RRP8: variants seen among roughly 807,000 people sequenced by gnomAD.
RRP8 encodes ribosomal RNA-processing protein 8.
A neutral mutation model predicts 45.0 loss-of-function variants in RRP8; 48 were observed. The ratio of observed to expected loss-of-function variants is 1.07; its 90% confidence interval spans 0.85 to 1.36. The LOEUF (loss-of-function observed/expected upper bound fraction) is 1.36, where lower values mean the gene tolerates loss of function less well. Among genes scored for constraint, RRP8 ranks in the 40% most tolerant of loss-of-function variants. The pLI, the probability that RRP8 is intolerant of heterozygous loss-of-function variation, is 0.00. For synonymous variants in RRP8, 274 were observed against 212.4 expected (o/e 1.29, Z -2.52); for missense variants, 658 against 573.7 (o/e 1.15, Z -1.50).
At chr11:6,600,839 A>G in intron 4 of RRP8, 64 bp from the exon 5 acceptor site, 1 of 1,609,608 alleles carries the variant, frequency 6.2e-7, no homozygotes, top group East Asian at 2.2e-5. Flanking sequence ...GCACTGAGAT[A>G]CCAGGATGGG....
intron 1 of RRP8, among the ~76,000 whole-genome samples, chr11:6,602,729 A>C (rs1159256307): frequency 1.3e-5 from 2 of 152,202 alleles, no homozygotes; most frequent in African/African-American, 4.8e-5. Context: ...GGAGGAAACA[A>C]AGCAGGCCGA....
In RRP8 at chr11:6,600,538, A is replaced by G; in HGVS notation, c.1199T>C (p.Val400Ala). 1.2e-6 allele frequency: 2 copies of G among 1,614,088 alleles called. No individual in the cohort carries two copies. Among genetic ancestry groups the G allele is most frequent in the Non-Finnish European group, 1.7e-6 (2 of 1,180,034 alleles). ...GGTCACAGCCCGCAGAAAGGTTCGAACATCCTCAAAGCGGCTGCTGACCTC... is the reference window on the plus strand; with the variant it reads ...GGTCACAGCCCGCAGAAAGGTTCGAGCATCCTCAAAGCGGCTGCTGACCTC... Reference protein sequence around the residue: ...VAEVSSRFEDVRTFLRAVTKL... With the variant: ...VAEVSSRFEDARTFLRAVTKL... The change falls in exon 6 of 7, where the codon GTT becomes GCT. Residue 400 changes from valine (V) to alanine (A), a missense_variant. Val to Ala is a moderately conservative substitution (Grantham distance 64). Coordinates refer to ENST00000254605, the MANE Select transcript of RRP8 (RefSeq NM_015324.4).
At chr11:6,603,376 G>A in intron 1 of RRP8, 28 bp downstream of exon 1, 3 of 1,523,848 alleles carry the variant, frequency 2.0e-6, no homozygotes, top group South Asian at 1.2e-5. Flanking sequence ...GCCTGAAACA[G>A]CTCCCATTGC....
At position 6,602,176 on chromosome 11, in the gene RRP8, G is replaced by C. The variant is rs774278994; in HGVS notation, c.139C>G (p.Leu47Val). 107 of 1,594,922 alleles carry C rather than the reference G, an allele frequency of 6.7e-5. No individual in the cohort carries two copies. Among genetic ancestry groups the C allele is most frequent in the Non-Finnish European group, 8.9e-5 (104 of 1,170,330 alleles). The part of the protein sequence containing the change: ...RRQLLATLRA[L>V]EAASLSQHPP... ...TGCTGGGAAAGAGATGCTGCCTCTAGGGCCCGTAATGTGGCCAAGAGCTGG... is the reference window on the plus strand; with the variant it reads ...TGCTGGGAAAGAGATGCTGCCTCTACGGCCCGTAATGTGGCCAAGAGCTGG... The change falls in exon 2 of 7, where the codon CTA becomes GTA. Residue 47 changes from leucine (L) to valine (V), a missense_variant. By Grantham distance (32) the Leu-to-Val change is conservative. Transcript: ENST00000254605.
chr11:6,601,083 T>C (rs753331143), intron 3 of RRP8, 28 bp from the exon 4 acceptor site: 5 of 1,614,156 alleles, frequency 3.1e-6, no homozygotes, highest in African/African-American at 1.3e-5. Context: ...GGGTCACATA[T>C]TGGTCTGATC....
Position 6,599,375 on chromosome 11 carries a change from T to C in RRP8, c.*771A>G, listed in dbSNP as rs1388343574. On this transcript the variant is annotated 3_prime_UTR_variant, in exon 7 of 7. Transcript: ENST00000254605. ...ATTCTACCATTTTCCAAATGAGGAA[T>C]GTGATATACAGAGATTAAATGACTT... 6.6e-6 allele frequency: 1 copy of C among 152,250 alleles called. No individual in the cohort carries two copies. The highest frequency in any genetic ancestry group is 2.4e-5 in the African/African-American group (1 of 41,458). 9.4% of individuals were successfully genotyped at this position (152,250 alleles called of 1,614,324 possible).
intron 1 of RRP8, 79 bp from the exon 2 acceptor site, chr11:6,602,294 C>T (rs746967268): frequency 7.0e-7 from 1 of 1,435,122 alleles, no homozygotes; most frequent in South Asian, 1.5e-5. Context: ...AGATGTGGAC[C>T]TGATTCAGAC....
Position 6,601,559 on chromosome 11 carries a change from C to A in RRP8, c.507G>T (p.Lys169Asn). Reference sequence around the variant, plus strand: ...TAGGGGAAGTGGACCCAGGGCTTTGCTTTGGTGGATCATTTGTAGTACTAC... The same window carrying A: ...TAGGGGAAGTGGACCCAGGGCTTTGATTTGGTGGATCATTTGTAGTACTAC... ...WKGSTTNDPP[K>N]QSPGSTSPKP... The change falls in exon 3 of 7, where the codon AAG (lysine) becomes AAT (asparagine). Residue 169 changes from lysine (K) to asparagine (N), a missense_variant. Lys to Asn is a moderately conservative substitution (Grantham distance 94, BLOSUM62 0). Coordinates refer to ENST00000254605, the MANE Select transcript of RRP8 (RefSeq NM_015324.4). The A allele has an allele frequency of 6.2e-7, 1 of 1,605,144 alleles. No homozygotes were observed. The highest frequency in any genetic ancestry group is 8.5e-7 in the Non-Finnish European group (1 of 1,179,940).
chr11:6,600,028 T>G lies in RRP8; in HGVS notation c.*118A>C, dbSNP rs1854301431. ...GTCTGAGCCAGAGGTTTTATCACAC[T>G]TTGTCCTCAGGGTCCACCAGGAACC... On this transcript the variant is annotated 3_prime_UTR_variant, in exon 7 of 7. Coordinates refer to ENST00000254605, the MANE Select transcript of RRP8 (RefSeq NM_015324.4). 2 of 633,744 alleles carry G rather than the reference T, an allele frequency of 3.2e-6. No homozygotes were observed. Among genetic ancestry groups the G allele is most frequent in the Non-Finnish European group, 5.3e-6 (2 of 378,154 alleles). The allele number at this position is 633,744 out of a possible 1,614,324, so 39.3% of individuals were successfully genotyped here.
rs1854517721 is a variant in RRP8 at position 6,603,568 on chromosome 11, G to A, written c.-66C>T. 1 of 1,120,004 alleles carries A rather than the reference G, an allele frequency of 8.9e-7. No individual in the cohort carries two copies. Among genetic ancestry groups the A allele is most frequent in the South Asian group, 1.4e-5 (1 of 70,158 alleles). The allele number at this position is 1,120,004 out of a possible 1,614,324, so 69.4% of individuals were successfully genotyped here. A position where few individuals can be genotyped will look rare whatever the true frequency, so the allele number is the denominator to read the frequency against. ...CCACGTGCACAGCGCTCCTCTGGAA[G>A]TCGGAGCGCTCAGACCTGCCAGAAC... On this transcript the variant is annotated 5_prime_UTR_variant, in exon 1 of 7. Coordinates refer to ENST00000254605, the MANE Select transcript of RRP8 (RefSeq NM_015324.4).
chr11:6,598,154 A>AC lies in RRP8; in HGVS notation c.*1991dup, dbSNP rs1379083039. On this transcript the variant is annotated 3_prime_UTR_variant, in exon 7 of 7. Coordinates refer to ENST00000254605, the MANE Select transcript of RRP8 (RefSeq NM_015324.4). The stretch of plus-strand genomic sequence containing the variant: ...CATGTCCCACTTCCTAAAATCCAAC[A>AC]CTTTGAATGGCATCACCAGCCTACC... The AC allele has an allele frequency of 6.6e-5, 10 of 152,096 alleles. No homozygotes were observed. Among genetic ancestry groups the AC allele is most frequent in the Admixed American group, 6.6e-4 (10 of 15,264 alleles). The allele number at this position is 152,096 out of a possible 1,614,324, so 9.4% of individuals were successfully genotyped here.
At position 6,601,264 on chromosome 11, in the gene RRP8, G is replaced by A. The variant is rs748113796; in HGVS notation, c.802C>T (p.Arg268Cys). ...LYSGPSSAAQ[R>C]LFQEDPEAFL... is the part of the protein sequence containing the mutation. ...GCCTCAGGGTCTTCCTGGAAGAGAC[G>A]CTGTGCAGCACTGCTGGGCCCTGAG... The change falls in exon 3 of 7, where the codon CGT becomes TGT. Residue 268 changes from arginine (R) to cysteine (C), a missense_variant. Arg to Cys is a radical substitution (Grantham distance 180). Transcript: ENST00000254605. The A allele has an allele frequency of 8.1e-6, 13 of 1,611,748 alleles. No homozygotes were observed. The highest frequency in any genetic ancestry group is 6.7e-5 in the East Asian group (3 of 44,846).
Position 6,600,106 on chromosome 11 carries a change from A to G in RRP8, c.*40T>C. On this transcript the variant is annotated 3_prime_UTR_variant, in exon 7 of 7. Transcript: ENST00000254605. ...ACAGTCTTCACAGTTCTGAGCCTGG[A>G]GTTTGAGATCTGCCTCCCCTTTCAA... 7.6e-7 allele frequency: 1 copy of G among 1,317,814 alleles called. No individual in the cohort carries two copies. Among genetic ancestry groups the G allele is most frequent in the African/African-American group, 1.5e-5 (1 of 67,468 alleles). 81.6% of individuals were successfully genotyped at this position (1,317,814 alleles called of 1,614,324 possible). A position where few individuals can be genotyped will look rare whatever the true frequency, so the allele number is the denominator to read the frequency against.
chr11:6,603,159 CTT>C (rs1854487165), intron 1 of RRP8, among the ~76,000 whole-genome samples: 1 of 152,228 alleles, frequency 6.6e-6, no homozygotes, highest in Admixed American at 6.5e-5. Flanking sequence ...AACATGCTCT[CTT>C]GTCCCAGGGC....
Position 6,602,180 on chromosome 11 carries a change from C to T in RRP8, c.135G>A (p.Arg45=), listed in dbSNP as rs202146658. 1.9e-5 allele frequency: 30 copies of T among 1,587,646 alleles called. No homozygotes were observed. In the African/African-American group the frequency reaches 3.1e-4, roughly 16 times the overall value. ...GGGAAAGAGATGCTGCCTCTAGGGC[C>T]CGTAATGTGGCCAAGAGCTGGCGGC... is the stretch of plus-strand genomic sequence containing the variant. The part of the protein sequence containing the change: ...SKRRQLLATL[R]ALEAASLSQH... The change falls in exon 2 of 7, where the codon CGG becomes CGA. Residue 45 remains arginine, a synonymous_variant. Transcript: ENST00000254605.
rs1243726989 is a variant in RRP8 at position 6,596,603 on chromosome 11, G to A, written c.*3543C>T. 2 of 152,136 alleles carry A rather than the reference G, an allele frequency of 1.3e-5. No individual in the cohort carries two copies. Among genetic ancestry groups the A allele is most frequent in the African/African-American group, 2.4e-5 (1 of 41,430 alleles). The allele number at this position is 152,136 out of a possible 1,614,324, so 9.4% of individuals were successfully genotyped here. ...AGTAAGGCAGTTACTGCAGGAGTTGGGTATCCTAAAACCAGATGGCTGGTC... is the reference window on the plus strand; with the variant it reads ...AGTAAGGCAGTTACTGCAGGAGTTGAGTATCCTAAAACCAGATGGCTGGTC... On this transcript the variant is annotated 3_prime_UTR_variant, in exon 7 of 7. Coordinates refer to ENST00000254605, the MANE Select transcript of RRP8 (RefSeq NM_015324.4).
At chr11:6,600,861 A>C (rs1439716812) in intron 4 of RRP8, 65 bp downstream of exon 4, 1 of 1,612,294 alleles carries the variant, frequency 6.2e-7, no homozygotes, top group Non-Finnish European at 8.5e-7. Context: ...AAGGGGAAGG[A>C]AGGGTTAGAG....
At position 6,599,074 on chromosome 11, in the gene RRP8, T is replaced by G. The variant is rs140917401; in HGVS notation, c.*1072A>C. On this transcript the variant is annotated 3_prime_UTR_variant, in exon 7 of 7. Coordinates refer to ENST00000254605, the MANE Select transcript of RRP8 (RefSeq NM_015324.4). ...ATGAACAGAGACCCAGCTCCCTCACTACCCCTCCAAGGACAGAAGCTCAGA... is the reference window on the plus strand; with the variant it reads ...ATGAACAGAGACCCAGCTCCCTCACGACCCCTCCAAGGACAGAAGCTCAGA... The G allele has an allele frequency of 1.3e-5, 2 of 152,268 alleles. No homozygotes were observed. The highest frequency in any genetic ancestry group is 2.9e-5 in the Non-Finnish European group (2 of 68,102). 9.4% of individuals were successfully genotyped at this position (152,268 alleles called of 1,614,324 possible).
intron 4 of RRP8, 33 bp downstream of exon 4, chr11:6,600,893 C>T: frequency 6.2e-7 from 1 of 1,613,860 alleles, no homozygotes; most frequent in Non-Finnish European, 8.5e-7. Context: ...GAGGTTGGCC[C>T]TAGAGCACAA....
Sources: allele counts gnomAD v4.1 joint callset (sites outside exome capture counted in the v4.1 genomes callset), GRCh38; gene constraint gnomAD v4.1.1; transcripts MANE v1.5; gene names NCBI Gene and HGNC (gene_info 2026-07-23, HGNC 2026-07-21).